Variants in NINL observed in about 807,000 individuals in gnomAD.
The protein encoded by NINL is ninein like.
A neutral mutation model predicts 160.3 loss-of-function variants in NINL; 153 were observed. That is an observed-to-expected ratio of 0.95 (90% confidence interval 0.84 to 1.09). NINL has a LOEUF of 1.09. Ranked by LOEUF, NINL falls within the 50% of genes least tolerant of loss-of-function variation. The pLI, the probability that NINL is intolerant of heterozygous loss-of-function variation, is 0.00. For synonymous variants in NINL, 800 were observed against 734.8 expected (o/e 1.09, Z -1.43); for missense variants, 1,829 against 1,764.0 (o/e 1.04, Z -0.66).
intron 1 of NINL, among the ~76,000 whole-genome samples, chr20:25,545,542 C>G (rs1953485371): frequency 6.6e-6 from 1 of 152,044 alleles, no homozygotes; most frequent in Non-Finnish European, 1.5e-5. Flanking sequence ...TCCTGAAGAA[C>G]TAGTTCAGGC....
Position 25,566,806 on chromosome 20 carries a change from C to CA in NINL, c.-12+18648dup, listed in dbSNP as rs1284782184. ...AAGACCCATCTCTAAAACAAACAAA[C>CA]AACAACAACAACAACAACAAAAATG... is the stretch of plus-strand genomic sequence containing the variant. On this transcript the variant is annotated intron_variant, in intron 1 of 23. Transcript: ENST00000278886. Among the ~76,000 whole-genome samples the CA allele has an allele frequency of 4.8e-5, 6 of 125,196 alleles. No homozygotes were observed. In the East Asian group the frequency reaches 6.6e-4, roughly 14 times the overall value. The allele number at this position is 125,196 out of a possible 152,430, so 82.1% of individuals were successfully genotyped here. A position where few individuals can be genotyped will look rare whatever the true frequency, so the allele number is the denominator to read the frequency against.
At chr20:25,516,080 C>T (rs1021971933) in intron 3 of NINL, among the ~76,000 whole-genome samples, 2 of 152,058 alleles carry the variant, frequency 1.3e-5, no homozygotes, top group African/African-American at 4.8e-5. Context: ...AGCCCAAGAT[C>T]TGGTTGTTTA....
At chr20:25,541,180 A>G (rs1483924335) in intron 1 of NINL, among the ~76,000 whole-genome samples, 1 of 152,198 alleles carries the variant, frequency 6.6e-6, no homozygotes, top group East Asian at 1.9e-4. Flanking sequence ...CTCTGGTTTT[A>G]ATGTGGGTTC....
intron 1 of NINL, among the ~76,000 whole-genome samples, chr20:25,529,091 G>T (rs992971610): frequency 6.6e-6 from 1 of 152,196 alleles, no homozygotes; most frequent in Middle Eastern, 3.4e-3. Context: ...TCTTACTCAG[G>T]AAAACAATAT....
In NINL at chr20:25,476,922, C is replaced by A; in HGVS notation, c.2369G>T (p.Cys790Phe). The A allele has an allele frequency of 1.2e-6, 2 of 1,612,460 alleles. No homozygotes were observed. Among genetic ancestry groups the A allele is most frequent in the Non-Finnish European group, 1.7e-6 (2 of 1,179,894 alleles). ...CATCTGGGCGCGCTTCTCGCTCGCA[C>A]AGGGCTGCAGCTTCAGTGCCCTCTC... Reference protein sequence around the residue: ...ELERALKLQPCASEKRAQMCV... With the variant: ...ELERALKLQPFASEKRAQMCV... The change falls in exon 17 of 24, where the codon TGT (cysteine) becomes TTT (phenylalanine). Residue 790 changes from cysteine (C) to phenylalanine (F), a missense_variant. Transcript: ENST00000278886.
intron 1 of NINL, 146 bp from the exon 2 acceptor site, chr20:25,526,744 G>T: frequency 1.3e-6 from 1 of 756,686 alleles, no homozygotes. Context: ...CCCTTGCAGG[G>T]CCAAGCACAC....
chr20:25,535,402 C>T (rs1428668082), intron 1 of NINL, among the ~76,000 whole-genome samples: 1 of 152,128 alleles, frequency 6.6e-6, no homozygotes, highest in Non-Finnish European at 1.5e-5. Flanking sequence ...GAGAGTAGAT[C>T]TTAAATGTCA....
chr20:25,581,971 A>G (rs531040817), intron 1 of NINL, among the ~76,000 whole-genome samples: 1 of 152,342 alleles, frequency 6.6e-6, no homozygotes, highest in South Asian at 2.1e-4. Context: ...ATTTTGCTCA[A>G]GTCCGGCCAG....
chr20:25,467,512 C>A, intron 18 of NINL, 54 bp from the exon 19 acceptor site: 1 of 1,371,670 alleles, frequency 7.3e-7, no homozygotes. Flanking sequence ...CCAGTGCCTT[C>A]TTTCCTGGTC....
chr20:25,528,718 T>C (rs935692997), intron 1 of NINL, among the ~76,000 whole-genome samples: 1 of 152,132 alleles, frequency 6.6e-6, no homozygotes, highest in Non-Finnish European at 1.5e-5. Flanking sequence ...ACCACCAATA[T>C]TAGGCCATCA....
intron 7 of NINL, among the ~76,000 whole-genome samples, chr20:25,502,126 T>C (rs757304255): frequency 2.0e-5 from 3 of 152,172 alleles, no homozygotes; most frequent in Non-Finnish European, 4.4e-5. Flanking sequence ...GGATTACACA[T>C]GTGTACCACC....
intron 1 of NINL, among the ~76,000 whole-genome samples, chr20:25,577,328 A>T (rs2065126157): frequency 6.6e-6 from 1 of 152,100 alleles, no homozygotes; most frequent in African/African-American, 2.4e-5. Context: ...CCTGTGTTGG[A>T]GACCTGGCAC....
chr20:25,465,282 T>G (rs950642784), intron 19 of NINL, among the ~76,000 whole-genome samples: 10 of 151,996 alleles, frequency 6.6e-5, no homozygotes, highest in Non-Finnish European at 1.5e-4. Flanking sequence ...GTCTTCTAGA[T>G]CAAAACACCA....
chr20:25,476,892 A>G lies in NINL; in HGVS notation c.2399T>C (p.Val800Ala). The change falls in exon 17 of 24, where the codon GTA becomes GCA. Residue 800 changes from valine (V) to alanine (A), a missense_variant. Physicochemically the swap from Val to Ala is moderately conservative, Grantham distance 64 (BLOSUM62 0). Transcript: ENST00000278886. ...CASEKRAQMC[V>A]SLALEEEELE... is the part of the protein sequence containing the mutation. ...CTCCTCCTCCTCGAGGGCCAACGAT[A>G]CGCACATCTGGGCGCGCTTCTCGCT... 6.2e-7 allele frequency: 1 copy of G among 1,613,126 alleles called. No homozygotes were observed. The highest frequency in any genetic ancestry group is 1.7e-4 in the Middle Eastern group (1 of 6,058).
chr20:25,498,777 G>C (rs1319733627), intron 8 of NINL, among the ~76,000 whole-genome samples: 1 of 152,226 alleles, frequency 6.6e-6, no homozygotes, highest in Non-Finnish European at 1.5e-5. Context: ...CCACCAAGAA[G>C]AGCGTGGAGA....
In NINL at chr20:25,504,266, T is replaced by C. The variant is rs548094361; in HGVS notation, c.709-162A>G. 5.3e-5 allele frequency among the ~76,000 whole-genome samples: 8 copies of C among 152,266 alleles called. No homozygotes were observed. The South Asian group carries it at 1.7e-3, about 32-fold the overall frequency. ...ACTGTGTAGACCATGCGGGCTATAT[T>C]TTCCCAAGCCGACCCCTCCCTCTAT... On this transcript the variant is annotated intron_variant, in intron 6 of 23. Coordinates refer to ENST00000278886, the MANE Select transcript of NINL (RefSeq NM_025176.6).
At chr20:25,531,849 C>T (rs2064469875) in intron 1 of NINL, among the ~76,000 whole-genome samples, 1 of 152,174 alleles carries the variant, frequency 6.6e-6, no homozygotes, top group African/African-American at 2.4e-5. Flanking sequence ...CGGCTGTGGG[C>T]AAGTCCTGCA....
intron 19 of NINL, among the ~76,000 whole-genome samples, chr20:25,463,639 C>T (rs2062843379): frequency 6.6e-6 from 1 of 152,176 alleles, no homozygotes; most frequent in African/African-American, 2.4e-5. Flanking sequence ...TTGCTTTTTC[C>T]CACCGCAGCT....
intron 21 of NINL, among the ~76,000 whole-genome samples, chr20:25,459,571 G>A (rs1223401482): frequency 2.0e-5 from 3 of 152,118 alleles, no homozygotes; most frequent in African/African-American, 4.8e-5. Flanking sequence ...GGCTGCCGCC[G>A]CCCAGGCCTG....
Sources: gnomAD v4.1 joint callset for allele counts (sites outside exome capture counted in the v4.1 genomes callset) on GRCh38, gnomAD v4.1.1 for gene constraint, MANE v1.5 for transcripts, NCBI Gene and HGNC (gene_info 2026-07-23, HGNC 2026-07-21) for gene names.